TRIQK: variants seen among roughly 807,000 people sequenced by gnomAD.
TRIQK encodes the protein triple QxxK/R motif-containing protein.
TRIQK carries 10 observed loss-of-function variants against 10.8 expected under a neutral mutation model. The observed-to-expected ratio is 0.92, with a 90% CI of 0.57 to 1.57. The LOEUF (loss-of-function observed/expected upper bound fraction) is 1.57, where lower values mean the gene tolerates loss of function less well. Among genes scored for constraint, TRIQK ranks in the 40% most tolerant of loss-of-function variants. TRIQK has a pLI of 0.00. For synonymous variants in TRIQK, 33 were observed against 33.7 expected (o/e 0.98, Z 0.07); for missense variants, 107 against 97.7 (o/e 1.09, Z -0.40).
chr8:92,906,041 C>G (rs1415016551), intron 3 of TRIQK, among the ~76,000 whole-genome samples: 2 of 152,044 alleles, frequency 1.3e-5, no homozygotes, highest in African/African-American at 2.4e-5. Flanking sequence ...ATTCTCACAC[C>G]AGCTAGAAAT....
chr8:93,002,823 G>A (rs1813227274), intron 1 of TRIQK, among the ~76,000 whole-genome samples: 1 of 151,782 alleles, frequency 6.6e-6, no homozygotes, highest in African/African-American at 2.4e-5. Context: ...GGAAGACTAA[G>A]GCCAGAGAAT....
intron 2 of TRIQK, among the ~76,000 whole-genome samples, chr8:92,943,661 A>T (rs1399429909): frequency 2.0e-5 from 3 of 152,214 alleles, no homozygotes; most frequent in Non-Finnish European, 4.4e-5. Context: ...CTTGCTATAT[A>T]CAAAAATTAA....
At chr8:92,971,325 G>T (rs970066202) in intron 1 of TRIQK, among the ~76,000 whole-genome samples, 10 of 152,060 alleles carry the variant, frequency 6.6e-5, no homozygotes, top group African/African-American at 2.4e-4. Context: ...AAAATAAAGG[G>T]TATTCAAATA....
chr8:92,928,720 A>G (rs1810567798), intron 2 of TRIQK, among the ~76,000 whole-genome samples: 1 of 152,202 alleles, frequency 6.6e-6, no homozygotes, highest in African/African-American at 2.4e-5. Flanking sequence ...GGGACTGTGA[A>G]GCCCTTCAGC....
intron 1 of TRIQK, among the ~76,000 whole-genome samples, chr8:92,991,876 C>A (rs1813099284): frequency 6.6e-6 from 1 of 151,978 alleles, no homozygotes; most frequent in South Asian, 2.1e-4. Flanking sequence ...AAACAGAGAG[C>A]CAAACCATGA....
At chr8:92,989,421 A>G (rs1813073324) in intron 1 of TRIQK, among the ~76,000 whole-genome samples, 2 of 152,298 alleles carry the variant, frequency 1.3e-5, no homozygotes, top group African/African-American at 2.4e-5. Context: ...GCTGTTCCCT[A>G]TCATTTGCAT....
intron 1 of TRIQK, among the ~76,000 whole-genome samples, chr8:92,986,191 C>T (rs1281863085): frequency 6.6e-6 from 1 of 151,914 alleles, no homozygotes; most frequent in East Asian, 1.9e-4. Context: ...TGTATACTAA[C>T]ATGTATTACA....
chr8:93,012,569 C>CT (rs1326559457), intron 1 of TRIQK, among the ~76,000 whole-genome samples: 3 of 151,826 alleles, frequency 2.0e-5, no homozygotes, highest in Non-Finnish European at 2.9e-5. Flanking sequence ...TTTAATTCTG[C>CT]TTTTTTTTCT....
intron 2 of TRIQK, among the ~76,000 whole-genome samples, chr8:92,927,080 C>A (rs1412280075): frequency 6.6e-6 from 1 of 151,810 alleles, no homozygotes; most frequent in African/African-American, 2.4e-5. Flanking sequence ...AAAATGAAAA[C>A]AGGATTTATG....
intron 1 of TRIQK, among the ~76,000 whole-genome samples, chr8:93,012,070 G>A (rs991637013): frequency 5.3e-5 from 8 of 152,088 alleles, no homozygotes; most frequent in Non-Finnish European, 1.0e-4. Flanking sequence ...GCAAGAAATA[G>A]AAAATAAAAT....
chr8:92,913,890 G>A (rs188517544), intron 3 of TRIQK, among the ~76,000 whole-genome samples: 1 of 152,240 alleles, frequency 6.6e-6, no homozygotes, highest in African/African-American at 2.4e-5. Context: ...AACACCGCAT[G>A]TTCTCATGCA....
intron 1 of TRIQK, among the ~76,000 whole-genome samples, chr8:93,008,290 A>C (rs1187196819): frequency 6.6e-6 from 1 of 152,150 alleles, no homozygotes; most frequent in African/African-American, 2.4e-5. Flanking sequence ...CTGGAACTTA[A>C]AATTAAATCA....
At chr8:92,945,075 T>A in intron 2 of TRIQK, among the ~76,000 whole-genome samples, 1 of 152,130 alleles carries the variant, frequency 6.6e-6, no homozygotes, top group East Asian at 1.9e-4. Flanking sequence ...TATTTACATA[T>A]GATAAATAAT....
At chr8:92,932,644 A>C (rs1362790292) in intron 2 of TRIQK, among the ~76,000 whole-genome samples, 1 of 152,014 alleles carries the variant, frequency 6.6e-6, no homozygotes, top group East Asian at 1.9e-4. Context: ...TTATATTCTG[A>C]CAGGTGCCAT....
chr8:92,926,195 A>G (rs1810441496), intron 2 of TRIQK: 1 of 152,196 alleles, frequency 6.6e-6, no homozygotes, highest in South Asian at 2.1e-4. Context: ...AACATAGGCA[A>G]TAGAGATAAA....
Position 92,912,397 on chromosome 8 carries a change from C to T in TRIQK, c.61+4532G>A, listed in dbSNP as rs923866317. ...GAATGAAAATGAAAACACAATATAA[C>T]AAAATTAATGGGATACAGCAAAGGT... On this transcript the variant is annotated intron_variant, in intron 3 of 4. Transcript: ENST00000521988. Among the ~76,000 whole-genome samples, 4 of 151,432 alleles carry T rather than the reference C, an allele frequency of 2.6e-5. No homozygotes were observed. The South Asian group carries it at 6.2e-4, about 24-fold the overall frequency.
In TRIQK at chr8:92,944,644, T is replaced by C. The variant is rs1046915663; in HGVS notation, c.-22+9762A>G. On this transcript the variant is annotated intron_variant, in intron 2 of 4. Coordinates refer to ENST00000521988, the MANE Select transcript of TRIQK (RefSeq NM_001171797.2). ...GCTACAGCATGATCTCACTTACATG[T>C]GGAATCTAAAGAAGTTGACGTCATA... 1.4e-4 allele frequency among the ~76,000 whole-genome samples: 21 copies of C among 152,124 alleles called. 3 individuals are homozygous for C. The South Asian group carries it at 2.7e-3, about 20-fold the overall frequency.
chr8:92,904,715 C>A (rs1157670322), intron 3 of TRIQK, among the ~76,000 whole-genome samples: 2 of 152,010 alleles, frequency 1.3e-5, no homozygotes, highest in Non-Finnish European at 2.9e-5. Flanking sequence ...AATATGATTC[C>A]CAGAGATTTT....
chr8:92,994,915 T>C (rs902377165), intron 1 of TRIQK, among the ~76,000 whole-genome samples: 4 of 141,948 alleles, frequency 2.8e-5, no homozygotes, highest in Non-Finnish European at 6.0e-5. Flanking sequence ...CATTACAATA[T>C]GTTCCTTCTC....
Sources: gnomAD v4.1 joint callset for allele counts (sites outside exome capture counted in the v4.1 genomes callset) on GRCh38, gnomAD v4.1.1 for gene constraint, MANE v1.5 for transcripts, NCBI Gene and HGNC (gene_info 2026-07-23, HGNC 2026-07-21) for gene names.